The following ACSM5 variants were observed in gnomAD, a reference collection of about 807,000 sequenced individuals.
ACSM5 encodes the protein acyl-coenzyme A synthetase ACSM5, mitochondrial.
A neutral mutation model predicts 71.6 loss-of-function variants in ACSM5; 56 were observed. The ratio of observed to expected loss-of-function variants is 0.78; its 90% CI spans 0.63 to 0.98. ACSM5 has a LOEUF of 0.98. Among genes scored for constraint, ACSM5 ranks in the 50% least tolerant of loss-of-function variants. The pLI is 0.00. For synonymous variants in ACSM5, 285 were observed against 281.5 expected (o/e 1.01, Z -0.12); for missense variants, 723 against 726.0 (o/e 1.00, Z 0.05).
chr16:20,422,437 C>G (rs368347839), intron 5 of ACSM5, among the ~76,000 whole-genome samples: 3 of 152,288 alleles, frequency 2.0e-5, no homozygotes, highest in African/African-American at 7.2e-5. Context: ...AATCCATTCA[C>G]CTGTTGATAG....
At chr16:20,414,011 G>C (rs78930399) in intron 2 of ACSM5, among the ~76,000 whole-genome samples, 8 of 152,274 alleles carry the variant, frequency 5.3e-5, no homozygotes, top group African/African-American at 1.7e-4. Context: ...ATGACAACAA[G>C]CAGCAACAGC....
intron 6 of ACSM5, among the ~76,000 whole-genome samples, chr16:20,424,990 T>C (rs1329190200): frequency 1.3e-5 from 2 of 152,220 alleles, no homozygotes; most frequent in Admixed American, 6.5e-5. Flanking sequence ...ATCTTTTGTG[T>C]TACAATCTAA....
rs1434761186 is a variant in ACSM5 at position 20,429,729 on chromosome 16, C to T, written c.1053C>T (p.Asn351=). ...GTCTGACCGGAGGAGAGGCCCTCAA[C>T]CCTGACGTGAGGGAGAAGTGGAAAC... ...RHCLTGGEAL[N]PDVREKWKHQ... Residue 351 remains asparagine, a synonymous_variant, in exon 8 of 14, where the codon AAC becomes AAT. Transcript: ENST00000331849. The T allele has an allele frequency of 6.2e-7, 1 of 1,613,588 alleles. No individual in the cohort carries two copies. Among genetic ancestry groups the T allele is most frequent in the South Asian group, 1.1e-5 (1 of 90,978 alleles).
chr16:20,436,917 G>A (rs1967210686), intron 10 of ACSM5, 135 bp from the exon 11 acceptor site: 2 of 960,734 alleles, frequency 2.1e-6, no homozygotes, highest in African/African-American at 3.3e-5. Flanking sequence ...GGGGAACTCT[G>A]GGCAGCCGGG....
chr16:20,409,635 AC>A lies in ACSM5; in HGVS notation c.-44del, dbSNP rs1201416664. ...TGCTCAGCTGAAGCAGAAAACAGAG[AC>A]CTTTTGCATTACTTTGGTTCAAGAG... On this transcript the variant is annotated 5_prime_UTR_variant, in exon 1 of 14. Coordinates refer to ENST00000331849, the MANE Select transcript of ACSM5 (RefSeq NM_017888.3). 5 of 152,146 alleles carry A rather than the reference AC, an allele frequency of 3.3e-5. No homozygotes were observed. Among genetic ancestry groups the A allele is most frequent in the Non-Finnish European group, 5.9e-5 (4 of 68,060 alleles). 9.4% of individuals were successfully genotyped at this position (152,146 alleles called of 1,614,324 possible).
chr16:20,436,428 T>A (rs1330214200), intron 10 of ACSM5, among the ~76,000 whole-genome samples: 1 of 152,104 alleles, frequency 6.6e-6, no homozygotes, highest in Non-Finnish European at 1.5e-5. Context: ...TGGAGTGCAG[T>A]GGCACAATCT....
At chr16:20,410,334 C>T (rs553021593) in intron 1 of ACSM5, among the ~76,000 whole-genome samples, 1 of 152,314 alleles carries the variant, frequency 6.6e-6, no homozygotes, top group South Asian at 2.1e-4. Flanking sequence ...CTTTAACATG[C>T]ATATGACTCA....
intron 12 of ACSM5, among the ~76,000 whole-genome samples, chr16:20,438,716 G>C (rs1000014215): frequency 6.6e-6 from 1 of 151,452 alleles, no homozygotes; most frequent in African/African-American, 2.4e-5. Flanking sequence ...AGCACTTTGG[G>C]AGGCCGAGGC....
intron 6 of ACSM5, among the ~76,000 whole-genome samples, chr16:20,425,936 A>G (rs184887641): frequency 4.2e-4 from 64 of 152,226 alleles, no homozygotes; most frequent in African/African-American, 1.4e-3. Flanking sequence ...TTTCTTCTGG[A>G]TAGATGCCCA....
At chr16:20,439,334 T>A (rs1045445999) in intron 12 of ACSM5, among the ~76,000 whole-genome samples, 4 of 131,448 alleles carry the variant, frequency 3.0e-5, no homozygotes, top group Non-Finnish European at 4.7e-5. Context: ...GTCTGCTGAT[T>A]GCAAATGTTC....
chr16:20,419,398 A>G lies in ACSM5; in HGVS notation c.586A>G (p.Ser196Gly), dbSNP rs1326453953. The change falls in exon 4 of 14, where the codon AGT (serine) becomes GGT (glycine). Residue 196 changes from serine (S) to glycine (G), a missense_variant. By Grantham distance (56) the Ser-to-Gly change is moderately conservative (BLOSUM62 0). Coordinates refer to ENST00000331849, the MANE Select transcript of ACSM5 (RefSeq NM_017888.3). ...GACCAAGCTGCTGGTGTCAGACAGC[A>G]GTCGGCCAGGCTGGTTGAACTTCAG... ...LQTKLLVSDS[S>G]RPGWLNFREL... is the part of the protein sequence containing the mutation. 2 of 1,614,198 alleles carry G rather than the reference A, an allele frequency of 1.2e-6. No individual in the cohort carries two copies. The highest frequency in any genetic ancestry group is 3.3e-5 in the Admixed American group (2 of 60,024).
intron 2 of ACSM5, among the ~76,000 whole-genome samples, chr16:20,412,644 T>C (rs1966849908): frequency 6.6e-6 from 1 of 152,218 alleles, no homozygotes; most frequent in Admixed American, 6.5e-5. Flanking sequence ...GCTTAACCAA[T>C]GAGAAAAGCC....
chr16:20,417,700 G>GT (rs1430149170), intron 2 of ACSM5, among the ~76,000 whole-genome samples: 1 of 152,054 alleles, frequency 6.6e-6, no homozygotes, highest in African/African-American at 2.4e-5. Context: ...GATTTTTATG[G>GT]TACCTGAATT....
At chr16:20,431,970 A>AAAAT (rs1261859806) in intron 10 of ACSM5, among the ~76,000 whole-genome samples, 1 of 150,438 alleles carries the variant, frequency 6.6e-6, no homozygotes, top group East Asian at 2.0e-4. Flanking sequence ...TAATAATAAT[A>AAAAT]AAATAAATAA....
Position 20,440,463 on chromosome 16 carries a change from A to T in ACSM5, c.*36A>T. On this transcript the variant is annotated 3_prime_UTR_variant, in exon 14 of 14. Coordinates refer to ENST00000331849, the MANE Select transcript of ACSM5 (RefSeq NM_017888.3). The stretch of plus-strand genomic sequence containing the variant: ...AGGAAGGCCCCGTAGACCTCCGAAG[A>T]CTCCACAAGAAACTAATGGATCACT... 6.4e-7 allele frequency: 1 copy of T among 1,565,144 alleles called. No homozygotes were observed. Among genetic ancestry groups the T allele is most frequent in the Non-Finnish European group, 8.8e-7 (1 of 1,135,226 alleles).
At chr16:20,425,229 T>A (rs1395146986) in intron 6 of ACSM5, among the ~76,000 whole-genome samples, 1 of 152,204 alleles carries the variant, frequency 6.6e-6, no homozygotes, top group East Asian at 1.9e-4. Context: ...ATCTCACAAA[T>A]AAGTGAGAAT....
In ACSM5 at chr16:20,437,300, C is replaced by T. The variant is rs1967222106; in HGVS notation, c.1469C>T (p.Ala490Val). 6.2e-7 allele frequency: 1 copy of T among 1,613,972 alleles called. No individual in the cohort carries two copies. Among genetic ancestry groups the T allele is most frequent in the African/African-American group, 1.3e-5 (1 of 74,862 alleles). The part of the protein sequence containing the change: ...YRIGPVEVES[A>V]LAEHPAVLES... ...ATCGGGCCTGTTGAAGTGGAAAGTGCCCTGGCAGAGCATCCTGCTGTCCTG... is the reference window on the plus strand; with the variant it reads ...ATCGGGCCTGTTGAAGTGGAAAGTGTCCTGGCAGAGCATCCTGCTGTCCTG... Residue 490 changes from alanine (A) to valine (V), a missense_variant, in exon 12 of 14, where the codon GCC (alanine) becomes GTC (valine). By Grantham distance (64) the Ala-to-Val change is moderately conservative (BLOSUM62 0). Coordinates refer to ENST00000331849, the MANE Select transcript of ACSM5 (RefSeq NM_017888.3).
intron 5 of ACSM5, among the ~76,000 whole-genome samples, chr16:20,422,760 G>T (rs1368681331): frequency 2.6e-5 from 4 of 152,180 alleles, no homozygotes; most frequent in Non-Finnish European, 2.9e-5. Context: ...CTTGCCCGGG[G>T]AGCAGTAGTG....
chr16:20,440,449 G>A lies in ACSM5; in HGVS notation c.*22G>A, dbSNP rs763935425. On this transcript the variant is annotated 3_prime_UTR_variant, in exon 14 of 14. Coordinates refer to ENST00000331849, the MANE Select transcript of ACSM5 (RefSeq NM_017888.3). ...ATGAGGTGCACCCCAGGAAGGCCCC[G>A]TAGACCTCCGAAGACTCCACAAGAA... 25 of 1,596,394 alleles carry A rather than the reference G, an allele frequency of 1.6e-5. No individual in the cohort carries two copies. Among genetic ancestry groups the A allele is most frequent in the Admixed American group, 1.5e-4 (9 of 59,956 alleles).
Sources: gnomAD v4.1 joint callset for allele counts (sites outside exome capture counted in the v4.1 genomes callset) on GRCh38, gnomAD v4.1.1 for gene constraint, MANE v1.5 for transcripts, NCBI Gene and HGNC (gene_info 2026-07-23, HGNC 2026-07-21) for gene names.